The following GLS variants were observed in gnomAD, a reference collection of about 807,000 sequenced individuals.
The protein encoded by GLS is glutaminase kidney isoform, mitochondrial.
Under a neutral mutation model 86.7 loss-of-function variants are expected in GLS, and 36 were observed. That is an observed-to-expected ratio of 0.42 (90% CI 0.32 to 0.55). The LOEUF (loss-of-function observed/expected upper bound fraction) is 0.55. Among genes scored for constraint, GLS ranks in the 20% least tolerant of loss-of-function variants. The probability of loss-of-function intolerance (pLI) is 0.17; values close to 1 mark genes in which losing one functional copy is unlikely to be tolerated. For synonymous variants in GLS, 317 were observed against 305.9 expected, an observed-to-expected ratio of 1.04 and a Z score of -0.38; for missense variants, 528 against 833.4, an observed-to-expected ratio of 0.63 and a Z score of 4.51.
At chr2:190,894,433 A>G (rs941855658) in intron 1 of GLS, among the ~76,000 whole-genome samples, 2 of 152,166 alleles carry the variant, frequency 1.3e-5, no homozygotes, top group African/African-American at 4.8e-5. Context: ...GTAAACCTAG[A>G]TCACTTTAGA....
Position 190,958,866 on chromosome 2 carries a change from G to A in GLS, c.1854-3964G>A, listed in dbSNP as rs142047861. Reference sequence around the variant, plus strand: ...GGTTGGCCAATTTTAGAATAAGTGCGATGTGGTGCTGAGAAAAATGTATAT... The same window carrying A: ...GGTTGGCCAATTTTAGAATAAGTGCAATGTGGTGCTGAGAAAAATGTATAT... On this transcript the variant is annotated intron_variant, in intron 17 of 17. Coordinates refer to ENST00000320717, the MANE Select transcript of GLS (RefSeq NM_014905.5). 8.0e-3 allele frequency among the ~76,000 whole-genome samples: 1,215 copies of A among 152,234 alleles called. 33 individuals are homozygous for A. Among genetic ancestry groups the A allele is most frequent in the East Asian group, 0.057 (298 of 5,184 alleles).
In GLS at chr2:190,964,575, T is replaced by C. The variant is rs897255746; in HGVS notation, c.*1589T>C. The C allele has an allele frequency of 1.3e-5, 2 of 152,188 alleles. No homozygotes were observed. Among genetic ancestry groups the C allele is most frequent in the African/African-American group, 2.4e-5 (1 of 41,452 alleles). The allele number at this position is 152,188 out of a possible 1,614,324, so 9.4% of individuals were successfully genotyped here. On this transcript the variant is annotated 3_prime_UTR_variant, in exon 18 of 18. Transcript: ENST00000320717. This position sits in a 1 kb window ranked among gnomAD's most constrained non-coding sequence, Gnocchi z 5.2. Reference sequence around the variant, plus strand: ...TGCCACTGCCCTCCCATTACCTAGATGGCACCTCCTTTGGTGAAACCACGG... The same window carrying C: ...TGCCACTGCCCTCCCATTACCTAGACGGCACCTCCTTTGGTGAAACCACGG...
At chr2:190,960,599 C>T (rs768258438) in intron 17 of GLS, among the ~76,000 whole-genome samples, 2 of 151,856 alleles carry the variant, frequency 1.3e-5, no homozygotes, top group African/African-American at 2.4e-5. Context: ...TGGTCTCCAA[C>T]TCCTGGGCTC....
At chr2:190,891,128 A>G (rs1049622176) in intron 1 of GLS, among the ~76,000 whole-genome samples, 1 of 151,904 alleles carries the variant, frequency 6.6e-6, no homozygotes, top group Non-Finnish European at 1.5e-5. Context: ...CTAATTACAG[A>G]TTAGAAACTT....
intron 7 of GLS, among the ~76,000 whole-genome samples, chr2:190,917,214 C>A (rs1203576846): frequency 6.6e-6 from 1 of 152,150 alleles, no homozygotes; most frequent in Non-Finnish European, 1.5e-5. Context: ...GTTCTAACTC[C>A]TTTGTTGTAT....
chr2:190,881,633 G>T, intron 1 of GLS, 163 bp downstream of exon 1: 1 of 627,994 alleles, frequency 1.6e-6, no homozygotes, highest in Non-Finnish European at 2.5e-6. Context: ...ATTAGGCCCG[G>T]CCCCGCCCGC....
At chr2:190,891,192 TAATAA>T (rs1275351467) in intron 1 of GLS, among the ~76,000 whole-genome samples, 1 of 152,212 alleles carries the variant, frequency 6.6e-6, no homozygotes, top group African/African-American at 2.4e-5. Flanking sequence ...CTGTACTTGC[TAATAA>T]AATACTTTTT....
At chr2:190,893,658 T>A (rs1391444060) in intron 1 of GLS, among the ~76,000 whole-genome samples, 2 of 152,190 alleles carry the variant, frequency 1.3e-5, no homozygotes, top group Non-Finnish European at 2.9e-5. Context: ...CGATCTTGGC[T>A]CACTGCAACC....
At position 190,943,460 on chromosome 2, in the gene GLS, G is replaced by A. The variant is rs1690501496; in HGVS notation, c.1651-10105G>A. On this transcript the variant is annotated intron_variant, in intron 14 of 17. Coordinates refer to ENST00000320717, the MANE Select transcript of GLS (RefSeq NM_014905.5). This position sits in a 1 kb window ranked among gnomAD's most constrained non-coding sequence, Gnocchi z 4.5. ...GGCTTCCACTAGGGAAAGGTGGCCA[G>A]AGAAGAGAAAATCCAGCATAGTGCA... is the stretch of plus-strand genomic sequence containing the variant. Among the ~76,000 whole-genome samples, 3 of 152,172 alleles carry A rather than the reference G, an allele frequency of 2.0e-5. No individual in the cohort carries two copies. The highest frequency in any genetic ancestry group is 4.4e-5 in the Non-Finnish European group (3 of 68,020).
At chr2:190,942,770 T>C (rs909093912) in intron 14 of GLS, among the ~76,000 whole-genome samples, 1 of 152,184 alleles carries the variant, frequency 6.6e-6, no homozygotes, top group African/African-American at 2.4e-5. Context: ...GGAGGTTGAT[T>C]GACAGTGCTT....
chr2:190,933,606 A>T, intron 14 of GLS: 1 of 948,100 alleles, frequency 1.1e-6, no homozygotes, highest in Non-Finnish European at 1.3e-6. Context: ...ATCAATAAAA[A>T]GCTATAATGG....
intron 14 of GLS, among the ~76,000 whole-genome samples, chr2:190,941,569 A>AGAC (rs10623498): frequency 0.92 from 140,201 of 151,912 alleles, 64,755 homozygotes; most frequent in Non-Finnish European, 0.94. Flanking sequence ...TACAATAAGA[A>AGAC]CTTGTTTTGT....
rs1689455410 is a variant in GLS, at chr2:190,914,386, T to C, written c.1038+4065T>C. Among the ~76,000 whole-genome samples, 1 of 152,004 alleles carries C rather than the reference T, an allele frequency of 6.6e-6. No homozygotes were observed. The highest frequency in any genetic ancestry group is 1.5e-5 in the Non-Finnish European group (1 of 67,992). On this transcript the variant is annotated intron_variant, in intron 7 of 17. Transcript: ENST00000320717. The surrounding 1 kb of genome is among the most constrained non-coding windows in gnomAD (Gnocchi z 4.4). ...GACTTGCAACATTCAGAAGACAGGATTATATTGGTTTATTTACTTCTTGTT... is the reference window on the plus strand; with the variant it reads ...GACTTGCAACATTCAGAAGACAGGACTATATTGGTTTATTTACTTCTTGTT...
intron 9 of GLS, among the ~76,000 whole-genome samples, chr2:190,922,841 A>G (rs1689785955): frequency 6.6e-6 from 1 of 152,192 alleles, no homozygotes; most frequent in South Asian, 2.1e-4. Context: ...CTTGTAGGGC[A>G]ATTCTCAAAT....
Position 190,895,792 on chromosome 2 carries a change from A to T in GLS, c.605+67A>T. 1 of 1,323,798 alleles carries T rather than the reference A, an allele frequency of 7.6e-7. No individual in the cohort carries two copies. Among genetic ancestry groups the T allele is most frequent in the Non-Finnish European group, 1.0e-6 (1 of 965,938 alleles). The allele number at this position is 1,323,798 out of a possible 1,614,324, so 82.0% of individuals were successfully genotyped here. A position where few individuals can be genotyped will look rare whatever the true frequency, so the allele number is the denominator to read the frequency against. ...TATACGGTGATTCTGCTTTTAAAAC[A>T]AAATTGCATCTTTGAAGGCCACTGC... is the stretch of plus-strand genomic sequence containing the variant. On this transcript the variant is annotated intron_variant, in intron 3 of 17. Coordinates refer to ENST00000320717, the MANE Select transcript of GLS (RefSeq NM_014905.5). The surrounding 1 kb of genome is among the most constrained non-coding windows in gnomAD (Gnocchi z 4.2).
Position 190,880,877 on chromosome 2 carries a change from C to T in GLS, c.-208C>T, listed in dbSNP as rs1688113457. 4.8e-6 allele frequency: 1 copy of T among 207,958 alleles called. No homozygotes were observed. 12.9% of individuals were successfully genotyped at this position (207,958 alleles called of 1,614,324 possible). A position where few individuals can be genotyped will look rare whatever the true frequency, so the allele number is the denominator to read the frequency against. ...CGGTCGCGGCAATCCTAGCGCGCAG[C>T]AGCAGCAGCAGCAGCAGCAGCAGCA... is the stretch of plus-strand genomic sequence containing the variant. On this transcript the variant is annotated 5_prime_UTR_variant, in exon 1 of 18. Transcript: ENST00000320717.
chr2:190,911,510 G>A (rs1307519703), intron 7 of GLS, among the ~76,000 whole-genome samples: 3 of 152,070 alleles, frequency 2.0e-5, no homozygotes, highest in Non-Finnish European at 2.9e-5. Flanking sequence ...TATGGAGAAA[G>A]CTGTCAGTTT....
intron 17 of GLS, among the ~76,000 whole-genome samples, chr2:190,959,385 CTG>C (rs1690944379): frequency 6.6e-6 from 1 of 151,994 alleles, no homozygotes; most frequent in Non-Finnish European, 1.5e-5. Context: ...ATTTGCCATT[CTG>C]TGTCTTTTAA....
rs758819374 is a variant in GLS, at chr2:190,955,875, GTGA to G, written c.1853+1065_1853+1067del. Among the ~76,000 whole-genome samples, 4 of 152,218 alleles carry G rather than the reference GTGA, an allele frequency of 2.6e-5. No individual in the cohort carries two copies. Among genetic ancestry groups the G allele is most frequent in the South Asian group, 2.1e-4 (1 of 4,836 alleles). On this transcript the variant is annotated intron_variant, in intron 17 of 17. Coordinates refer to ENST00000320717, the MANE Select transcript of GLS (RefSeq NM_014905.5). This position sits in a 1 kb window ranked among gnomAD's most constrained non-coding sequence, Gnocchi z 5.6. ...TTGATTTGCATTTCTCTAATGACCA[GTGA>G]TGATGATATTTTTTTCACATGTTTG...
Sources: gnomAD v4.1 joint callset for allele counts (sites outside exome capture counted in the v4.1 genomes callset) on GRCh38, gnomAD v4.1.1 for gene constraint, Gnocchi (gnomAD v3.1) non-coding constraint, MANE v1.5 for transcripts, NCBI Gene and HGNC (gene_info 2026-07-23, HGNC 2026-07-21) for gene names.